Variants in PREB observed in about 807,000 individuals in gnomAD.
PREB encodes prolactin regulatory element binding.
In PREB, 29 loss-of-function variants were observed where a neutral mutation model predicts 46.7. The ratio of observed to expected loss-of-function variants is 0.62; its 90% CI spans 0.46 to 0.85. PREB has a LOEUF of 0.85. Among genes scored for constraint, PREB ranks in the 40% least tolerant of loss-of-function variants. The pLI is 0.00. For synonymous variants in PREB, 224 were observed against 220.1 expected (o/e 1.02, Z -0.16); for missense variants, 494 against 528.4 (o/e 0.93, Z 0.64).
intron 1 of PREB, chr2:27,134,046 A>G (rs1044400806): frequency 3.1e-6 from 2 of 638,416 alleles, no homozygotes; most frequent in African/African-American, 3.7e-5. Context: ...TCTGAGGCGG[A>G]GCTGAAGCGT....
rs1352890663 is a variant in PREB, at chr2:27,131,765, C to G, written c.1066G>C (p.Gly356Arg). 1.2e-6 allele frequency: 2 copies of G among 1,614,024 alleles called. No individual in the cohort carries two copies. The highest frequency in any genetic ancestry group is 4.5e-5 in the East Asian group (2 of 44,894). Residue 356 changes from glycine (G) to arginine (R), a missense_variant, in exon 8 of 9, where the codon GGT becomes CGT. By Grantham distance (125) the Gly-to-Arg change is moderately radical. Coordinates refer to ENST00000260643, the MANE Select transcript of PREB (RefSeq NM_013388.6). Reference protein sequence around the residue: ...VTDVAFLPEKGRGPELLGSHE... With the variant: ...VTDVAFLPEKRRGPELLGSHE... ...GACCCAAGGAGCTCTGGACCACGAC[C>G]CTTCTCAGGTAGAAAGGCCACATCC...
Position 27,132,558 on chromosome 2 carries a change from C to G in PREB, c.752+45G>C. 6.2e-7 allele frequency: 1 copy of G among 1,611,740 alleles called. No homozygotes were observed. Among genetic ancestry groups the G allele is most frequent in the Non-Finnish European group, 8.5e-7 (1 of 1,179,088 alleles). ...CCAGTCTTTTCCCTCTCCCCCACCA[C>G]AGCTGGGCTATGCCTCTTTCAGCCA... is the stretch of plus-strand genomic sequence containing the variant. On this transcript the variant is annotated intron_variant, in intron 5 of 8. Transcript: ENST00000260643. The surrounding 1 kb of genome is among the most constrained non-coding windows in gnomAD (Gnocchi z 4.0).
rs1308878966 is a variant in PREB, at chr2:27,132,006, T to G, written c.999+4A>C. ...ACAGGGCCATGCCAACCTCCACCCATTACCTGGAGAGAGAAAGCTATGTAG... is the reference window on the plus strand; with the variant it reads ...ACAGGGCCATGCCAACCTCCACCCAGTACCTGGAGAGAGAAAGCTATGTAG... On this transcript the variant is annotated splice_donor_region_variant and intron_variant, in intron 7 of 8. Coordinates refer to ENST00000260643, the MANE Select transcript of PREB (RefSeq NM_013388.6). This position sits in a 1 kb window ranked among gnomAD's most constrained non-coding sequence, Gnocchi z 4.0. 6.2e-7 allele frequency: 1 copy of G among 1,613,348 alleles called. No homozygotes were observed. The highest frequency in any genetic ancestry group is 8.5e-7 in the Non-Finnish European group (1 of 1,179,444).
rs1672223049 is a variant in PREB at position 27,130,881 on chromosome 2, G to A, written c.*533C>T. On this transcript the variant is annotated 3_prime_UTR_variant, in exon 9 of 9. Transcript: ENST00000260643. ...TACCTAGGAACTTATTGCATCTTTA[G>A]GCCAGCTGGCTTAGTGCTACCCATC... is the stretch of plus-strand genomic sequence containing the variant. 9.6e-7 allele frequency: 1 copy of A among 1,040,084 alleles called. No homozygotes were observed. Among genetic ancestry groups the A allele is most frequent in the African/African-American group, 1.6e-5 (1 of 62,436 alleles). The allele number at this position is 1,040,084 out of a possible 1,614,324, so 64.4% of individuals were successfully genotyped here.
At chr2:27,133,026 T>G in intron 3 of PREB, 91 bp downstream of exon 3, 1 of 1,581,734 alleles carries the variant, frequency 6.3e-7, no homozygotes, top group Non-Finnish European at 8.7e-7. Flanking sequence ...CAAGCTTCAT[T>G]CACAAGTTTC....
In PREB at chr2:27,131,848, T is replaced by C; in HGVS notation, c.1000-17A>G. ...GTAGAGGCACTGTGGGCAGAAGGAATACCAGTGAGGAAAGGCCTAGCTGGG... is the reference window on the plus strand; with the variant it reads ...GTAGAGGCACTGTGGGCAGAAGGAACACCAGTGAGGAAAGGCCTAGCTGGG... On this transcript the variant is annotated splice_polypyrimidine_tract_variant and intron_variant, in intron 7 of 8. Transcript: ENST00000260643. 1.2e-6 allele frequency: 2 copies of C among 1,612,864 alleles called. No homozygotes were observed. Among genetic ancestry groups the C allele is most frequent in the Non-Finnish European group, 1.7e-6 (2 of 1,179,252 alleles).
At position 27,134,383 on chromosome 2, in the gene PREB, C is replaced by T. The variant is rs369371846; in HGVS notation, c.39G>A (p.Pro13=). ...RRRAPELYRA[P]FPLYALQVDP... ...CGACCTGAAGCGCGTACAACGGGAA[C>T]GGAGCCCGGTACAGCTCTGGCGCCC... The change falls in exon 1 of 9, where the codon CCG becomes CCA. Residue 13 remains proline, a synonymous_variant. Transcript: ENST00000260643. The T allele has an allele frequency of 2.7e-5, 44 of 1,609,616 alleles. No homozygotes were observed. The highest frequency in any genetic ancestry group is 4.0e-5 in the African/African-American group (3 of 74,778).
chr2:27,131,830 C>T lies in PREB; in HGVS notation c.1001G>A (p.Cys334Tyr). 1 of 1,613,666 alleles carries T rather than the reference C, an allele frequency of 6.2e-7. No homozygotes were observed. Among genetic ancestry groups the T allele is most frequent in the East Asian group, 2.2e-5 (1 of 44,876 alleles). Residue 334 changes from cysteine (C) to tyrosine (Y), a missense_variant and splice_region_variant, in exon 8 of 9, where the codon TGC becomes TAC. Coordinates refer to ENST00000260643, the MANE Select transcript of PREB (RefSeq NM_013388.6). Reference protein sequence around the residue: ...VAIYIAFSLQCLYYVREAHGI... With the variant: ...VAIYIAFSLQYLYYVREAHGI... ...ATGGGCCTCCCTCACGTAGTAGAGG[C>T]ACTGTGGGCAGAAGGAATACCAGTG...
In PREB at chr2:27,134,559, G is replaced by A; in HGVS notation, c.-138C>T. ...CTCCCTACCCCTCTCACACCGGGGA[G>A]TTGCCAAAACCCTGACCATCAGCAG... On this transcript the variant is annotated 5_prime_UTR_variant, in exon 1 of 9. Coordinates refer to ENST00000260643, the MANE Select transcript of PREB (RefSeq NM_013388.6). The A allele has an allele frequency of 7.3e-7, 1 of 1,360,836 alleles. No individual in the cohort carries two copies. Among genetic ancestry groups the A allele is most frequent in the Non-Finnish European group, 9.4e-7 (1 of 1,063,706 alleles). 84.3% of individuals were successfully genotyped at this position (1,360,836 alleles called of 1,614,324 possible).
chr2:27,133,025 T>C (rs772768576), intron 3 of PREB, 92 bp downstream of exon 3: 132 of 1,579,952 alleles, frequency 8.4e-5, no homozygotes, highest in Middle Eastern at 1.7e-4. Flanking sequence ...GCAAGCTTCA[T>C]TCACAAGTTT....
In PREB at chr2:27,132,691, ACACAGAGG is replaced by A. The variant is rs773326608; in HGVS notation, c.656_663del (p.Ala219ValfsTer80). ...TGTGTCACCAGCTGATCCTTCTGCC[ACACAGAGG>A]CCTTAAGGTCCCGGCCCACGGTTAC... On this transcript the variant is annotated frameshift_variant, in exon 5 of 9. Transcript: ENST00000260643. LOFTEE classifies it high-confidence loss of function. This position sits in a 1 kb window ranked among gnomAD's most constrained non-coding sequence, Gnocchi z 4.0. 7 of 1,614,132 alleles carry A rather than the reference ACACAGAGG, an allele frequency of 4.3e-6. No homozygotes were observed. The East Asian group carries it at 1.6e-4, about 36-fold the overall frequency.
rs1363278197 is a variant in PREB, at chr2:27,132,794, G to A, written c.627+49C>T. 1.9e-6 allele frequency: 3 copies of A among 1,613,086 alleles called. No individual in the cohort carries two copies. The highest frequency in any genetic ancestry group is 3.3e-5 in the Admixed American group (2 of 59,980). On this transcript the variant is annotated intron_variant, in intron 4 of 8. Coordinates refer to ENST00000260643, the MANE Select transcript of PREB (RefSeq NM_013388.6). This position sits in a 1 kb window ranked among gnomAD's most constrained non-coding sequence, Gnocchi z 4.0. ...TCCACTTACTGGGCAAGCAGCATAA[G>A]CACCTCCTCTCTCCTTTCTCCATCC...
At position 27,133,167 on chromosome 2, in the gene PREB, T is replaced by C. The variant is rs200363175; in HGVS notation, c.496A>G (p.Asn166Asp). The C allele has an allele frequency of 4.3e-6, 7 of 1,614,064 alleles. No individual in the cohort carries two copies. Among genetic ancestry groups the C allele is most frequent in the African/African-American group, 4.0e-5 (3 of 74,912 alleles). The change falls in exon 3 of 9, where the codon AAT (asparagine) becomes GAT (aspartate). Residue 166 changes from asparagine to aspartate, a missense_variant. Asn to Asp is a conservative substitution (Grantham distance 23, BLOSUM62 1). Coordinates refer to ENST00000260643, the MANE Select transcript of PREB (RefSeq NM_013388.6). ...LQKVVCFNHD[N>D]TLLATGGTDG... is the part of the protein sequence containing the mutation. The stretch of plus-strand genomic sequence containing the variant: ...GTTCCTCCAGTGGCAAGCAGGGTAT[T>C]ATCGTGGTTGAAGCACACAACTTTC...
Position 27,132,476 on chromosome 2 carries a change from G to T in PREB, c.753-73C>A. 1 of 1,588,634 alleles carries T rather than the reference G, an allele frequency of 6.3e-7. No individual in the cohort carries two copies. Among genetic ancestry groups the T allele is most frequent in the Non-Finnish European group, 8.6e-7 (1 of 1,165,578 alleles). On this transcript the variant is annotated intron_variant, in intron 5 of 8. Coordinates refer to ENST00000260643, the MANE Select transcript of PREB (RefSeq NM_013388.6). The surrounding 1 kb of genome is among the most constrained non-coding windows in gnomAD (Gnocchi z 4.0). ...CTCCTCAGAGGTTTGTGCACCACCT[G>T]CACCCTGGTCAGACCTGGGGTAACA...
chr2:27,131,537 G>A (rs750042295), intron 8 of PREB, 29 bp from the exon 9 acceptor site: 143 of 1,597,644 alleles, frequency 9.0e-5, no homozygotes, highest in Middle Eastern at 3.3e-4. Context: ...GGAGGTCAGC[G>A]GGCAAAAGGG....
Position 27,130,857 on chromosome 2 carries a change from A to G in PREB, c.*557T>C. On this transcript the variant is annotated 3_prime_UTR_variant, in exon 9 of 9. Transcript: ENST00000260643. ...CCATTCCTCAAGGTAAGGGTAGACTACCTAGGAACTTATTGCATCTTTAGG... is the reference window on the plus strand; with the variant it reads ...CCATTCCTCAAGGTAAGGGTAGACTGCCTAGGAACTTATTGCATCTTTAGG... 8.0e-7 allele frequency: 1 copy of G among 1,248,986 alleles called. No individual in the cohort carries two copies. The highest frequency in any genetic ancestry group is 2.2e-5 in the Admixed American group (1 of 46,058). The allele number at this position is 1,248,986 out of a possible 1,614,324, so 77.4% of individuals were successfully genotyped here.
At position 27,132,285 on chromosome 2, in the gene PREB, A is replaced by G. The variant is rs1469157959; in HGVS notation, c.871T>C (p.Leu291=). Residue 291 remains leucine (L), a synonymous_variant, in exon 6 of 9, where the codon TTG becomes CTG. Coordinates refer to ENST00000260643, the MANE Select transcript of PREB (RefSeq NM_013388.6). This position sits in a 1 kb window ranked among gnomAD's most constrained non-coding sequence, Gnocchi z 4.0. Reference sequence around the variant, plus strand: ...CCACAGGACTTGGTCCGAAGGGGCAAGAAGTTGGAGCCATCCCAGGCTGTG... The same window carrying G: ...CCACAGGACTTGGTCCGAAGGGGCAGGAAGTTGGAGCCATCCCAGGCTGTG... ...YLTAWDGSNF[L]PLRTKSCGHE... is the part of the protein sequence containing the mutation. 5 of 1,614,054 alleles carry G rather than the reference A, an allele frequency of 3.1e-6. No individual in the cohort carries two copies. In the African/African-American group the frequency reaches 6.7e-5, roughly 22 times the overall value.
At chr2:27,131,954 G>C (rs1672295061) in intron 7 of PREB, 56 bp downstream of exon 7, 21 of 1,596,540 alleles carry the variant, frequency 1.3e-5, no homozygotes, top group Non-Finnish European at 1.7e-5. Flanking sequence ...TGCAAACTCA[G>C]GGTAGAGACA....
rs756415500 is a variant in PREB, at chr2:27,130,761, G to A, written c.*653C>T. 1.1e-5 allele frequency: 17 copies of A among 1,610,212 alleles called. No homozygotes were observed. In the South Asian group the frequency reaches 1.8e-4, roughly 17 times the overall value. ...AACAGCTGACAAGAGTACCATTTGG[G>A]GTCTCAGTTCACTCTTTCCTTGTTT... On this transcript the variant is annotated 3_prime_UTR_variant, in exon 9 of 9. Transcript: ENST00000260643.
Sources: allele counts gnomAD v4.1 joint callset, GRCh38; gene constraint gnomAD v4.1.1; non-coding constraint Gnocchi (gnomAD v3.1); transcripts MANE v1.5; gene names NCBI Gene and HGNC (gene_info 2026-07-23, HGNC 2026-07-21).